Variants in WDR70 observed in about 807,000 individuals in gnomAD.
WDR70 encodes WD repeat domain 70, also known as WD repeat-containing protein 70.
Under a neutral mutation model 88.6 loss-of-function variants are expected in WDR70, and 53 were observed. That is an observed-to-expected ratio of 0.60 (90% CI 0.48 to 0.75). The LOEUF is 0.75. Among genes scored for constraint, WDR70 ranks in the 30% least tolerant of loss-of-function variants. The probability of loss-of-function intolerance (pLI) is 0.00; values close to 1 mark genes in which losing one functional copy is unlikely to be tolerated. For missense variants in WDR70, 610 were observed against 823.2 expected, an observed-to-expected ratio of 0.74 and a Z score of 3.17; for synonymous variants, 280 against 270.0, an observed-to-expected ratio of 1.04 and a Z score of -0.36.
At chr5:37,436,422 A>T (rs988544051) in intron 5 of WDR70, among the ~76,000 whole-genome samples, 1 of 152,144 alleles carries the variant, frequency 6.6e-6, no homozygotes, top group African/African-American at 2.4e-5. Context: ...AAACTCTAGC[A>T]TTTCTGGCTT....
intron 3 of WDR70, among the ~76,000 whole-genome samples, chr5:37,388,738 CA>C (rs56184955): frequency 0.28 from 39,669 of 140,772 alleles, 7,455 homozygotes; most frequent in African/African-American, 0.56. Flanking sequence ...GACTCCGTCT[CA>C]AAAAAAAAAA....
Position 37,487,741 on chromosome 5 carries a change from T to C in WDR70, c.840+7754T>C, listed in dbSNP as rs563124468. 2.6e-5 allele frequency among the ~76,000 whole-genome samples: 4 copies of C among 151,142 alleles called. No homozygotes were observed. The South Asian group carries it at 6.3e-4, about 24-fold the overall frequency. On this transcript the variant is annotated intron_variant, in intron 8 of 17. Coordinates refer to ENST00000265107, the MANE Select transcript of WDR70 (RefSeq NM_018034.4). ...CCCGGGTACAAGTGATTCCCCTGCC[T>C]CAGCCTCCCGAGTAGCTGGGACTAC...
chr5:37,470,571 G>A (rs1739295972), intron 7 of WDR70, among the ~76,000 whole-genome samples: 1 of 152,108 alleles, frequency 6.6e-6, no homozygotes, highest in Admixed American at 6.5e-5. Flanking sequence ...ACTTAAATGG[G>A]TAAATACAGC....
At chr5:37,469,404 T>A (rs1283628273) in intron 7 of WDR70, among the ~76,000 whole-genome samples, 2 of 152,228 alleles carry the variant, frequency 1.3e-5, no homozygotes, top group Non-Finnish European at 2.9e-5. Context: ...TCTTGGATAT[T>A]CTGTTTCTTT....
intron 8 of WDR70, among the ~76,000 whole-genome samples, chr5:37,495,678 A>G (rs1740196515): frequency 6.6e-6 from 1 of 152,228 alleles, no homozygotes; most frequent in African/African-American, 2.4e-5. Flanking sequence ...AGAAGAAGAG[A>G]GAAAAAGTAG....
At chr5:37,430,288 TAAG>T (rs1384198510) in intron 5 of WDR70, among the ~76,000 whole-genome samples, 1 of 152,154 alleles carries the variant, frequency 6.6e-6, no homozygotes, top group African/African-American at 2.4e-5. Context: ...GGTCTACTAA[TAAG>T]GTAGAAAACA....
chr5:37,730,361 A>AT (rs1748110535), intron 17 of WDR70, among the ~76,000 whole-genome samples: 1 of 152,054 alleles, frequency 6.6e-6, no homozygotes, highest in Non-Finnish European at 1.5e-5. Context: ...GCTTCTTTTC[A>AT]TCCCCCATCT....
intron 17 of WDR70, among the ~76,000 whole-genome samples, chr5:37,749,036 G>A (rs1748719642): frequency 6.6e-6 from 1 of 152,188 alleles, no homozygotes; most frequent in African/African-American, 2.4e-5. Context: ...AACCATTGAG[G>A]TAGACAGTAT....
At chr5:37,629,789 G>C (rs74860123) in intron 10 of WDR70, among the ~76,000 whole-genome samples, 20,889 of 151,982 alleles carry the variant, frequency 0.14, 1,651 homozygotes, top group South Asian at 0.27. Context: ...TTATGATTGT[G>C]GTCTGTTACT....
intron 9 of WDR70, among the ~76,000 whole-genome samples, chr5:37,530,042 A>T (rs1741433068): frequency 6.6e-6 from 1 of 152,062 alleles, no homozygotes; most frequent in Non-Finnish European, 1.5e-5. Context: ...ACGATGTTGG[A>T]TTTTGTCAAA....
chr5:37,631,864 T>C (rs1744827906), intron 10 of WDR70, among the ~76,000 whole-genome samples: 1 of 152,068 alleles, frequency 6.6e-6, no homozygotes, highest in South Asian at 2.1e-4. Flanking sequence ...TATAGAAAAA[T>C]CCTACTACTT....
chr5:37,656,721 C>A (rs528579232), intron 10 of WDR70, among the ~76,000 whole-genome samples: 54 of 152,352 alleles, frequency 3.5e-4, no homozygotes, highest in Non-Finnish European at 5.9e-4. Context: ...CCAGTTCGAA[C>A]TTCCCAGTGG....
chr5:37,718,404 G>A (rs540378769), intron 13 of WDR70, among the ~76,000 whole-genome samples: 1 of 152,242 alleles, frequency 6.6e-6, no homozygotes, highest in African/African-American at 2.4e-5. Flanking sequence ...TCTGCACCCT[G>A]CTCACTTGAA....
In WDR70 at chr5:37,416,142, T is replaced by G. The variant is rs1404575422; in HGVS notation, c.492+19572T>G. On this transcript the variant is annotated intron_variant, in intron 5 of 17. Coordinates refer to ENST00000265107, the MANE Select transcript of WDR70 (RefSeq NM_018034.4). ...GGCAGAGGCTGCAATCTTGGCACTT[T>G]GGGAGGCCAAGGCAGGCAGCTGGGA... is the stretch of plus-strand genomic sequence containing the variant. Among the ~76,000 whole-genome samples the G allele has an allele frequency of 4.6e-5, 7 of 152,200 alleles. No individual in the cohort carries two copies. The East Asian group carries it at 1.4e-3, about 30-fold the overall frequency.
intron 10 of WDR70, among the ~76,000 whole-genome samples, chr5:37,623,073 G>T (rs991302358): frequency 4.6e-5 from 7 of 152,094 alleles, no homozygotes; most frequent in Non-Finnish European, 7.4e-5. Flanking sequence ...ATAGGCAAAA[G>T]TTATGGCGGT....
chr5:37,516,620 A>G (rs747358266), intron 9 of WDR70, 30 bp downstream of exon 9: 11 of 1,452,708 alleles, frequency 7.6e-6, no homozygotes, highest in Admixed American at 6.8e-5. Context: ...CATCTAATAC[A>G]TTCATATCTT....
At chr5:37,451,890 A>C (rs921636574) in intron 7 of WDR70, among the ~76,000 whole-genome samples, 2 of 152,072 alleles carry the variant, frequency 1.3e-5, no homozygotes, top group Non-Finnish European at 2.9e-5. Context: ...GCTACTAGGG[A>C]GGTTGAGGGA....
chr5:37,609,727 T>A (rs145886218), intron 10 of WDR70, among the ~76,000 whole-genome samples: 1 of 152,328 alleles, frequency 6.6e-6, no homozygotes, highest in East Asian at 1.9e-4. Context: ...CACAGCACAA[T>A]GCCTTACCAA....
intron 7 of WDR70, among the ~76,000 whole-genome samples, chr5:37,469,522 C>T (rs1739261857): frequency 6.6e-6 from 1 of 152,130 alleles, no homozygotes; most frequent in African/African-American, 2.4e-5. Context: ...AGTCATGAGG[C>T]AGCAGAAAGC....
Sources: gnomAD v4.1 joint callset for allele counts (sites outside exome capture counted in the v4.1 genomes callset) on GRCh38, gnomAD v4.1.1 for gene constraint, MANE v1.5 for transcripts, NCBI Gene and HGNC (gene_info 2026-07-23, HGNC 2026-07-21) for gene names.